Variants in SHTN1 observed in about 807,000 individuals in gnomAD.
SHTN1 encodes the protein shootin-1.
A neutral mutation model predicts 83.1 loss-of-function variants in SHTN1; 42 were observed. The observed-to-expected ratio is 0.51, with a 90% CI of 0.39 to 0.65. The LOEUF (loss-of-function observed/expected upper bound fraction) is 0.65. Among genes scored for constraint, SHTN1 ranks in the 30% least tolerant of loss-of-function variants. The pLI, the probability that SHTN1 is intolerant of heterozygous loss-of-function variation, is 0.00. For missense variants in SHTN1, 622 were observed against 737.8 expected (o/e 0.84, Z 1.82); for synonymous variants, 224 against 247.7 (o/e 0.90, Z 0.90).
chr10:116,925,357 G>A (rs766284984), intron 11 of SHTN1, among the ~76,000 whole-genome samples: 2 of 152,098 alleles, frequency 1.3e-5, no homozygotes, highest in Non-Finnish European at 2.9e-5. Context: ...TGGGTTATTG[G>A]CTTTTTCTTG....
At chr10:117,074,906 T>G (rs1286210545) in intron 1 of SHTN1, among the ~76,000 whole-genome samples, 1 of 152,132 alleles carries the variant, frequency 6.6e-6, no homozygotes, top group Non-Finnish European at 1.5e-5. Context: ...GGCTCTATAC[T>G]TGAGGAATTA....
chr10:116,951,199 G>T (rs181486778), intron 6 of SHTN1, among the ~76,000 whole-genome samples: 1 of 152,332 alleles, frequency 6.6e-6, no homozygotes, highest in Non-Finnish European at 1.5e-5. Flanking sequence ...AAGGTGGGAA[G>T]ATCATTCAAG....
intron 1 of SHTN1, among the ~76,000 whole-genome samples, chr10:116,997,211 C>T (rs966956692): frequency 3.3e-5 from 5 of 152,216 alleles, no homozygotes; most frequent in Admixed American, 6.5e-5. Flanking sequence ...CATAAACTCA[C>T]CTTCCCACAT....
At chr10:117,114,080 T>G (rs968799582) in intron 1 of SHTN1, among the ~76,000 whole-genome samples, 17 of 151,718 alleles carry the variant, frequency 1.1e-4, no homozygotes, top group Non-Finnish European at 1.6e-4. Flanking sequence ...CTGGGCACAA[T>G]GGTGTGCCCC....
At chr10:116,917,374 G>A (rs539731878) in intron 12 of SHTN1, among the ~76,000 whole-genome samples, 3 of 152,122 alleles carry the variant, frequency 2.0e-5, no homozygotes, top group Non-Finnish European at 4.4e-5. Context: ...GCACGATCTC[G>A]GCTCACTGCA....
intron 2 of SHTN1, among the ~76,000 whole-genome samples, chr10:117,037,998 C>CAAAAAATAAAAAA (rs1852526191): frequency 1.3e-5 from 1 of 75,498 alleles, no homozygotes; most frequent in African/African-American, 5.4e-5. Context: ...AGCGAGACTT[C>CAAAAAATAAAAAA]AAAAAAAAAA....
chr10:117,019,677 A>G (rs1280811476), intron 2 of SHTN1, among the ~76,000 whole-genome samples: 6 of 152,078 alleles, frequency 3.9e-5, no homozygotes, highest in African/African-American at 9.6e-5. Context: ...CCCTGTCTCT[A>G]CGAAAAGTAG....
chr10:116,971,875 G>T (rs1850631599), intron 2 of SHTN1, among the ~76,000 whole-genome samples: 1 of 152,182 alleles, frequency 6.6e-6, no homozygotes, highest in Non-Finnish European at 1.5e-5. Flanking sequence ...GGAATTAGAG[G>T]TTTATTCAAT....
intron 15 of SHTN1, among the ~76,000 whole-genome samples, chr10:116,905,816 C>G (rs1481651469): frequency 2.0e-5 from 3 of 152,174 alleles, no homozygotes; most frequent in Admixed American, 6.5e-5. Flanking sequence ...TACCTGGTCA[C>G]AAGGGGAAAC....
intron 3 of SHTN1, among the ~76,000 whole-genome samples, chr10:116,961,794 G>A (rs530401193): frequency 1.3e-5 from 2 of 152,334 alleles, no homozygotes; most frequent in South Asian, 4.1e-4. Flanking sequence ...TTAATTGAGA[G>A]TTTCTTTGAC....
At chr10:116,911,610 A>C in intron 14 of SHTN1, 180 bp downstream of exon 14, 2 of 1,551,866 alleles carry the variant, frequency 1.3e-6, no homozygotes, top group Non-Finnish European at 1.7e-6. Context: ...GTGTTATTTG[A>C]AAAATTATTA....
chr10:117,093,839 A>G (rs1194494891), intron 1 of SHTN1, among the ~76,000 whole-genome samples: 1 of 152,204 alleles, frequency 6.6e-6, no homozygotes, highest in African/African-American at 2.4e-5. Context: ...GATTTTCTAT[A>G]CATGACCCCA....
chr10:117,119,576 C>T (rs1287862202), intron 1 of SHTN1, among the ~76,000 whole-genome samples: 1 of 152,114 alleles, frequency 6.6e-6, no homozygotes, highest in Non-Finnish European at 1.5e-5. Context: ...AAAGGGAACC[C>T]TCATACACTG....
At chr10:116,987,917 A>C (rs2133502107) in intron 1 of SHTN1, among the ~76,000 whole-genome samples, 1 of 152,070 alleles carries the variant, frequency 6.6e-6, no homozygotes, top group South Asian at 2.1e-4. Context: ...GTCTCAAAAA[A>C]ACAAACAAAC....
intron 16 of SHTN1, among the ~76,000 whole-genome samples, chr10:116,893,889 A>G (rs1393856225): frequency 6.6e-6 from 1 of 152,216 alleles, no homozygotes; most frequent in East Asian, 1.9e-4. Context: ...AATCTTTCAT[A>G]GGATTAGAGA....
intron 2 of SHTN1, among the ~76,000 whole-genome samples, chr10:117,036,599 G>A (rs1852500439): frequency 6.6e-6 from 1 of 152,160 alleles, no homozygotes; most frequent in African/African-American, 2.4e-5. Flanking sequence ...TTGAACTCAT[G>A]GAGATAATAG....
At chr10:116,978,020 G>C (rs1589862250) in intron 2 of SHTN1, among the ~76,000 whole-genome samples, 1 of 152,038 alleles carries the variant, frequency 6.6e-6, no homozygotes, top group East Asian at 1.9e-4. Context: ...ACCATTCCCT[G>C]AATCACCTGA....
At chr10:116,926,000 CAA>C (rs553451501) in intron 11 of SHTN1, among the ~76,000 whole-genome samples, 2 of 146,208 alleles carry the variant, frequency 1.4e-5, no homozygotes, top group African/African-American at 2.5e-5. Flanking sequence ...GCACTCCTCA[CAA>C]AAAAAAAACT....
At chr10:117,000,015 G>T (rs1380537600) in intron 1 of SHTN1, among the ~76,000 whole-genome samples, 1 of 152,142 alleles carries the variant, frequency 6.6e-6, no homozygotes, top group Non-Finnish European at 1.5e-5. Context: ...ATCTCATGGG[G>T]GGTTGCCAAA....
Sources: gnomAD v4.1 joint callset for allele counts (sites outside exome capture counted in the v4.1 genomes callset) on GRCh38, gnomAD v4.1.1 for gene constraint, MANE v1.5 for transcripts, NCBI Gene and HGNC (gene_info 2026-07-23, HGNC 2026-07-21) for gene names.